CSMD1: variants seen among roughly 807,000 people sequenced by gnomAD.
CSMD1 encodes the protein CUB and Sushi multiple domains 1.
Under a neutral mutation model 417.5 loss-of-function variants are expected in CSMD1, and 213 were observed. The ratio of observed to expected loss-of-function variants is 0.51; its 90% CI spans 0.46 to 0.57. The LOEUF (loss-of-function observed/expected upper bound fraction) is 0.57. CSMD1 is among the 20% of genes least tolerant of loss of function. The pLI, the probability that CSMD1 is intolerant of heterozygous loss-of-function variation, is 0.00. For synonymous variants in CSMD1, 2,862 were observed against 1,736.8 expected, an observed-to-expected ratio of 1.65 and a Z score of -16.11; for missense variants, 6,923 against 4,529.7, an observed-to-expected ratio of 1.53 and a Z score of -15.17.
chr8:4,436,512 C>G (rs958222743), intron 2 of CSMD1, among the ~76,000 whole-genome samples: 4 of 152,082 alleles, frequency 2.6e-5, no homozygotes, highest in African/African-American at 9.7e-5. Context: ...TCCTCTCAAA[C>G]ATTTATCCTT....
intron 2 of CSMD1, among the ~76,000 whole-genome samples, chr8:4,596,252 A>G (rs1800269804): frequency 6.6e-6 from 1 of 152,204 alleles, no homozygotes; most frequent in African/African-American, 2.4e-5. Context: ...CAGTATATTA[A>G]CTATTGTTAA....
At chr8:4,188,084 C>T (rs5028014) in intron 3 of CSMD1, among the ~76,000 whole-genome samples, 131,375 of 151,966 alleles carry the variant, frequency 0.86, 56,902 homozygotes, top group South Asian at 0.94. Flanking sequence ...AGAAAAGTGA[C>T]TGCTGGCAGG....
intron 1 of CSMD1, among the ~76,000 whole-genome samples, chr8:4,715,413 T>C (rs1460042805): frequency 6.6e-6 from 1 of 152,228 alleles, no homozygotes; most frequent in African/African-American, 2.4e-5. Context: ...GATACCTTTA[T>C]TCATCTCTGT....
At chr8:4,837,257 C>CA (rs937934092) in intron 1 of CSMD1, among the ~76,000 whole-genome samples, 6 of 151,748 alleles carry the variant, frequency 4.0e-5, no homozygotes, top group Admixed American at 3.9e-4. Flanking sequence ...ATATACCCCC[C>CA]AAAAAAGGAA....
At chr8:4,029,184 T>C (rs1296365045) in intron 4 of CSMD1, among the ~76,000 whole-genome samples, 3 of 152,168 alleles carry the variant, frequency 2.0e-5, no homozygotes, top group African/African-American at 7.2e-5. Flanking sequence ...ATCAAATCTT[T>C]GAATCCTACA....
chr8:4,955,456 CT>C (rs373701682), intron 1 of CSMD1, among the ~76,000 whole-genome samples: 34,025 of 145,044 alleles, frequency 0.23, 5,012 homozygotes, highest in African/African-American at 0.43. Flanking sequence ...TCTCACCTCT[CT>C]TTTTTTTTTT....
At chr8:4,582,185 G>A (rs1214839067) in intron 2 of CSMD1, among the ~76,000 whole-genome samples, 1 of 151,898 alleles carries the variant, frequency 6.6e-6, no homozygotes, top group African/African-American at 2.4e-5. Context: ...ACAGACATGA[G>A]GTTTGTCATA....
chr8:3,281,130 G>A (rs35798244), intron 26 of CSMD1, among the ~76,000 whole-genome samples: 114,044 of 151,840 alleles, frequency 0.75, 43,214 homozygotes, highest in Admixed American at 0.84. Context: ...GAAGCAACCC[G>A]TATGTCCTTC....
At chr8:3,018,243 T>A (rs1809029192) in intron 52 of CSMD1, among the ~76,000 whole-genome samples, 1 of 152,222 alleles carries the variant, frequency 6.6e-6, no homozygotes, top group South Asian at 2.1e-4. Flanking sequence ...TTCTCAGCAC[T>A]CTTGCAAGAT....
chr8:4,256,822 T>C (rs1464128911), intron 3 of CSMD1, among the ~76,000 whole-genome samples: 1 of 152,166 alleles, frequency 6.6e-6, no homozygotes, highest in East Asian at 1.9e-4. Context: ...AGTCGAGTTA[T>C]GAGCAAAGAA....
intron 5 of CSMD1, among the ~76,000 whole-genome samples, chr8:3,767,686 T>G (rs1798353690): frequency 6.6e-6 from 1 of 152,172 alleles, no homozygotes; most frequent in African/African-American, 2.4e-5. Flanking sequence ...ACCTATATAT[T>G]ATGTATATTA....
intron 1 of CSMD1, chr8:4,788,327 G>C (rs1182335321): frequency 6.4e-7 from 1 of 1,561,036 alleles, no homozygotes; most frequent in African/African-American, 1.4e-5. Context: ...GACCAGTGAT[G>C]TCTGGGAACA....
At chr8:3,977,373 A>C (rs997530096) in intron 5 of CSMD1, among the ~76,000 whole-genome samples, 3 of 152,044 alleles carry the variant, frequency 2.0e-5, no homozygotes, top group Admixed American at 6.5e-5. Flanking sequence ...CACTCAATAC[A>C]TTTTGCTGAA....
intron 3 of CSMD1, among the ~76,000 whole-genome samples, chr8:4,052,696 T>G (rs1798494931): frequency 2.6e-5 from 4 of 152,130 alleles, no homozygotes; most frequent in African/African-American, 9.7e-5. Flanking sequence ...GGTGTATATA[T>G]TTGCTATTAA....
chr8:3,477,013 G>T (rs1817470032), intron 11 of CSMD1, among the ~76,000 whole-genome samples: 1 of 152,096 alleles, frequency 6.6e-6, no homozygotes, highest in South Asian at 2.1e-4. Context: ...TGAAGTGAAG[G>T]GAATGTTCTG....
intron 1 of CSMD1, among the ~76,000 whole-genome samples, chr8:4,643,890 C>A (rs1194713513): frequency 6.6e-6 from 1 of 152,134 alleles, no homozygotes; most frequent in Admixed American, 6.5e-5. Flanking sequence ...GAACACCATG[C>A]CCTGTAGGAG....
At chr8:4,909,366 T>C (rs2117081513) in intron 1 of CSMD1, among the ~76,000 whole-genome samples, 1 of 152,260 alleles carries the variant, frequency 6.6e-6, no homozygotes, top group South Asian at 2.1e-4. Flanking sequence ...GTTATAGAAA[T>C]CCCATTTTAT....
intron 26 of CSMD1, among the ~76,000 whole-genome samples, chr8:3,236,725 A>T (rs1799175470): frequency 6.6e-6 from 1 of 151,768 alleles, no homozygotes. Context: ...CACTTCACTC[A>T]TTTTTCTCTT....
intron 7 of CSMD1, among the ~76,000 whole-genome samples, chr8:3,650,466 C>G (rs1015928015): frequency 2.0e-5 from 3 of 152,106 alleles, no homozygotes; most frequent in Non-Finnish European, 4.4e-5. Context: ...ACTCATCATG[C>G]TCTAGGACTA....
Sources: allele counts gnomAD v4.1 joint callset (sites outside exome capture counted in the v4.1 genomes callset), GRCh38; gene constraint gnomAD v4.1.1; transcripts MANE v1.5; gene names NCBI Gene and HGNC (gene_info 2026-07-23, HGNC 2026-07-21).